ANK2: variants seen among roughly 807,000 people sequenced by gnomAD.
ANK2 encodes ankyrin-2.
ANK2 carries 83 observed loss-of-function variants against 360.5 expected under a neutral mutation model. The observed-to-expected ratio is 0.23, with a 90% CI of 0.19 to 0.28. ANK2 has a LOEUF of 0.28. Ranked by LOEUF, ANK2 falls within the 10% of genes least tolerant of loss-of-function variation. The probability of loss-of-function intolerance (pLI) is 1.00; values close to 1 mark genes in which losing one functional copy is unlikely to be tolerated. For missense variants in ANK2, 4,201 were observed against 4,795.7 expected, an observed-to-expected ratio of 0.88 and a Z score of 3.66; for synonymous variants, 1,740 against 1,759.5, an observed-to-expected ratio of 0.99 and a Z score of 0.28.
At chr4:112,955,356 G>C (rs193218183) in intron 2 of ANK2, among the ~76,000 whole-genome samples, 2 of 152,222 alleles carry the variant, frequency 1.3e-5, no homozygotes, top group East Asian at 3.9e-4. Flanking sequence ...TATAATTAAA[G>C]ATTATGCTCG....
chr4:113,294,369 A>G (rs1211413617), intron 22 of ANK2, among the ~76,000 whole-genome samples: 6 of 152,240 alleles, frequency 3.9e-5, no homozygotes. Context: ...ATGGCTCTTT[A>G]ATTTAGCTTC....
At chr4:113,048,248 G>GTATATATATATATATATATATATA (rs869196489), upstream of ANK2, among the ~76,000 whole-genome samples, 19 of 36,244 alleles carry the variant, frequency 5.2e-4, no homozygotes, top group Non-Finnish European at 9.1e-4. Flanking sequence ...CTACAAGTGT[G>GTATATATATATATATATATATATA]TATATATATA....
At chr4:113,046,088 A>T (rs1208630158), upstream of ANK2, among the ~76,000 whole-genome samples, 3 of 152,172 alleles carry the variant, frequency 2.0e-5, no homozygotes, top group Non-Finnish European at 4.4e-5. Context: ...AAGAATACTC[A>T]GCAGACAGGC....
rs1240304125 is a variant in ANK2 at position 113,358,884 on chromosome 4, G to T, written c.10266G>T (p.Glu3422Asp). 6.2e-7 allele frequency: 1 copy of T among 1,614,048 alleles called. No homozygotes were observed. Among genetic ancestry groups the T allele is most frequent in the African/African-American group, 1.3e-5 (1 of 75,026 alleles). Reference protein sequence around the residue: ...ETETESRERAEELELESEEGA... With the variant: ...ETETESRERADELELESEEGA... ...AAACAGAGAGCAGAGAGAGGGCCGAGGAACTTGAGTTAGAATCAGAAGAAG... is the reference window on the plus strand; with the variant it reads ...AAACAGAGAGCAGAGAGAGGGCCGATGAACTTGAGTTAGAATCAGAAGAAG... The change falls in exon 38 of 46, where the codon GAG becomes GAT. Residue 3422 changes from glutamate to aspartate, a missense_variant. Transcript: ENST00000357077.
chr4:113,170,542 A>G (rs906019336), intron 1 of ANK2, among the ~76,000 whole-genome samples: 5 of 152,204 alleles, frequency 3.3e-5, no homozygotes, highest in Non-Finnish European at 7.3e-5. Flanking sequence ...GACCTGGAAT[A>G]TGCTAATATT....
chr4:113,306,419 T>C (rs1271103166), intron 23 of ANK2, among the ~76,000 whole-genome samples: 1 of 152,168 alleles, frequency 6.6e-6, no homozygotes, highest in Non-Finnish European at 1.5e-5. Flanking sequence ...CATAAAAACA[T>C]ACCAGGCTCA....
At chr4:113,253,492 C>T (rs1202511607) in intron 10 of ANK2, among the ~76,000 whole-genome samples, 3 of 152,164 alleles carry the variant, frequency 2.0e-5, no homozygotes, top group Non-Finnish European at 4.4e-5. Context: ...TTAGTAAGCT[C>T]AAAATTAAGC....
At chr4:112,997,475 T>C (rs931289182) in intron 2 of ANK2, among the ~76,000 whole-genome samples, 3 of 152,054 alleles carry the variant, frequency 2.0e-5, no homozygotes, top group Admixed American at 6.6e-5. Flanking sequence ...ATATCAACCC[T>C]CACTACACCT....
intron 4 of ANK2, among the ~76,000 whole-genome samples, chr4:113,231,846 C>T (rs2099311999): frequency 6.6e-6 from 1 of 152,082 alleles, no homozygotes; most frequent in Non-Finnish European, 1.5e-5. Flanking sequence ...ATGATCCACC[C>T]GCCTCAGACT....
chr4:113,357,903 A>C lies in ANK2; in HGVS notation c.9285A>C (p.Thr3095=), dbSNP rs1328062601. 1 of 1,613,968 alleles carries C rather than the reference A, an allele frequency of 6.2e-7. No homozygotes were observed. The highest frequency in any genetic ancestry group is 1.1e-5 in the South Asian group (1 of 91,096). The change falls in exon 38 of 46, where the codon ACA becomes ACC. Residue 3095 remains threonine, a synonymous_variant. Coordinates refer to ENST00000357077, the MANE Select transcript of ANK2 (RefSeq NM_001148.6). Reference sequence around the variant, plus strand: ...CCCCAACTGAAGAGGGGACCCCAACAAGTGAGCAAAACCCATTTCTGTTTC... The same window carrying C: ...CCCCAACTGAAGAGGGGACCCCAACCAGTGAGCAAAACCCATTTCTGTTTC... ...ARTPTEEGTP[T]SEQNPFLFQE...
chr4:112,996,672 G>A (rs991840061), intron 2 of ANK2, among the ~76,000 whole-genome samples: 9 of 152,008 alleles, frequency 5.9e-5, no homozygotes, highest in South Asian at 2.1e-4. Flanking sequence ...GGCATGCAAC[G>A]TGAAATAATC....
rs145145511 is a variant in ANK2, at chr4:113,358,541, C to G, written c.9923C>G (p.Thr3308Ser). ...AGCAAATCCAAAATTCCTGTAAGGA[C>G]TATGCCCACTTCCACCCCAGCACCT... ...TESKSKIPVR[T>S]MPTSTPAPPS... The change falls in exon 38 of 46, where the codon ACT becomes AGT. Residue 3308 changes from threonine (T) to serine (S), a missense_variant. Physicochemically the swap from Thr to Ser is moderately conservative, Grantham distance 58. This residue lies in a region of ANK2 where 2,642 missense variants were observed against 2,714.5 expected (regional missense o/e 0.97). Coordinates refer to ENST00000357077, the MANE Select transcript of ANK2 (RefSeq NM_001148.6). 142 of 1,614,088 alleles carry G rather than the reference C, an allele frequency of 8.8e-5. No individual in the cohort carries two copies. In the African/African-American group the frequency reaches 1.6e-3, roughly 19 times the overall value.
chr4:112,806,222 T>A, the ANK2 span, among the ~76,000 whole-genome samples: 1 of 152,184 alleles, frequency 6.6e-6, no homozygotes, highest in Non-Finnish European at 1.5e-5. Context: ...CTACCCTTCC[T>A]AGCCTCTGGT....
chr4:113,111,840 A>G (rs774882605), intron 1 of ANK2, among the ~76,000 whole-genome samples: 10 of 152,224 alleles, frequency 6.6e-5, no homozygotes, highest in Admixed American at 1.3e-4. Flanking sequence ...CAAGATGTGA[A>G]TATTAGTAAT....
intron 26 of ANK2, among the ~76,000 whole-genome samples, chr4:113,322,588 G>T (rs954570281): frequency 3.3e-5 from 5 of 152,098 alleles, no homozygotes. Context: ...TTTTTGTAGT[G>T]TTTTAATTAC....
At chr4:112,884,989 T>A (rs1196970485) in intron 1 of ANK2, among the ~76,000 whole-genome samples, 1 of 152,248 alleles carries the variant, frequency 6.6e-6, no homozygotes. Flanking sequence ...CTTCCTCTTA[T>A]TTCTCTCAGC....
intron 1 of ANK2, among the ~76,000 whole-genome samples, chr4:113,165,885 A>G (rs1411585500): frequency 1.3e-5 from 2 of 152,164 alleles, no homozygotes; most frequent in East Asian, 1.9e-4. Flanking sequence ...TTAATCTGAC[A>G]TCTGACCTAA....
At chr4:112,750,828 A>G in the ANK2 span, among the ~76,000 whole-genome samples, 1 of 152,030 alleles carries the variant, frequency 6.6e-6, no homozygotes, top group Non-Finnish European at 1.5e-5. Context: ...CCTGGGTTCA[A>G]GCAGTTCTCC....
intron 2 of ANK2, among the ~76,000 whole-genome samples, chr4:112,931,693 C>A (rs899469798): frequency 6.6e-6 from 1 of 152,046 alleles, no homozygotes; most frequent in Admixed American, 6.6e-5. Context: ...TCCATAAAGG[C>A]TCCTGCCCAC....
Sources: gnomAD v4.1 joint callset for allele counts (sites outside exome capture counted in the v4.1 genomes callset) on GRCh38, gnomAD v4.1.1 for gene constraint, gnomAD v4.1.1 regional missense constraint, MANE v1.5 for transcripts, NCBI Gene and HGNC (gene_info 2026-07-23, HGNC 2026-07-21) for gene names.